SCRG1: variants seen among roughly 807,000 people sequenced by gnomAD.
SCRG1 encodes scrapie-responsive protein 1.
In SCRG1, 3 loss-of-function variants were observed where a neutral mutation model predicts 7.7. That is an observed-to-expected ratio of 0.39 (90% CI 0.18 to 1.01). The LOEUF (loss-of-function observed/expected upper bound fraction) is 1.01. Among genes scored for constraint, SCRG1 ranks in the 50% least tolerant of loss-of-function variants. The pLI, the probability that SCRG1 is intolerant of heterozygous loss-of-function variation, is 0.36. For synonymous variants in SCRG1, 46 were observed against 41.2 expected (o/e 1.12, Z -0.44); for missense variants, 110 against 117.2 (o/e 0.94, Z 0.28).
the SCRG1 span, among the ~76,000 whole-genome samples, chr4:173,435,515 A>C: frequency 1.3e-3 from 203 of 152,318 alleles, 1 homozygote; most frequent in African/African-American, 4.6e-3. Flanking sequence ...TGATTTTCCC[A>C]GGCTGTTACC....
the SCRG1 span, among the ~76,000 whole-genome samples, chr4:173,423,943 T>C: frequency 6.6e-6 from 1 of 152,126 alleles, no homozygotes; most frequent in Non-Finnish European, 1.5e-5. Flanking sequence ...AGAGAAAGAA[T>C]AGAAAATAAC....
the SCRG1 span, among the ~76,000 whole-genome samples, chr4:173,467,079 C>T: frequency 6.6e-6 from 1 of 152,076 alleles, no homozygotes; most frequent in African/African-American, 2.4e-5. Flanking sequence ...AAGCAGAGGG[C>T]TGGAAATTTT....
the SCRG1 span, among the ~76,000 whole-genome samples, chr4:173,436,416 T>C: frequency 2.0e-5 from 3 of 152,204 alleles, no homozygotes; most frequent in Non-Finnish European, 2.9e-5. Flanking sequence ...CAGAGCAGCC[T>C]CTGCTTCTCA....
chr4:173,416,920 ACAC>A, the SCRG1 span, among the ~76,000 whole-genome samples: 1 of 32,702 alleles, frequency 3.1e-5, no homozygotes, highest in Non-Finnish European at 7.8e-5. Context: ...AAACACACAC[ACAC>A]ACACACACAC....
At chr4:173,444,093 C>A in the SCRG1 span, among the ~76,000 whole-genome samples, 1 of 152,068 alleles carries the variant, frequency 6.6e-6, no homozygotes, top group East Asian at 1.9e-4. Flanking sequence ...ACTGTCTCAG[C>A]CTCTGAAGTA....
chr4:173,484,376 A>G, the SCRG1 span, among the ~76,000 whole-genome samples: 1 of 35,766 alleles, frequency 2.8e-5, no homozygotes, highest in East Asian at 9.3e-4. Context: ...TATATTATAT[A>G]TTATGTATAT....
At chr4:173,456,711 T>G in the SCRG1 span, among the ~76,000 whole-genome samples, 1 of 152,032 alleles carries the variant, frequency 6.6e-6, no homozygotes, top group East Asian at 1.9e-4. Flanking sequence ...ACTGAGAATA[T>G]GTACAAAAAT....
intron 2 of SCRG1, among the ~76,000 whole-genome samples, chr4:173,390,877 T>A (rs1739416568): frequency 1.3e-5 from 2 of 152,174 alleles, no homozygotes; most frequent in African/African-American, 4.8e-5. Context: ...TACTGGTAGA[T>A]TTTTATTTTT....
chr4:173,393,127 A>T (rs117122798), intron 1 of SCRG1, among the ~76,000 whole-genome samples: 1 of 152,012 alleles, frequency 6.6e-6, no homozygotes, highest in East Asian at 1.9e-4. Context: ...TGTGCAATGG[A>T]CATTTTTGGT....
upstream of SCRG1, among the ~76,000 whole-genome samples, chr4:173,407,204 T>A (rs563710808): frequency 8.9e-4 from 98 of 110,416 alleles, no homozygotes; most frequent in African/African-American, 3.2e-3. Context: ...GCGAGATCCA[T>A]CTCAAAAAAA....
chr4:173,430,917 A>G, the SCRG1 span, among the ~76,000 whole-genome samples: 1 of 152,038 alleles, frequency 6.6e-6, no homozygotes, highest in African/African-American at 2.4e-5. Context: ...CCTCATTTAG[A>G]AAGAGACTAG....
At chr4:173,497,006 T>C in the SCRG1 span, among the ~76,000 whole-genome samples, 1 of 152,140 alleles carries the variant, frequency 6.6e-6, no homozygotes, top group Admixed American at 6.5e-5. Flanking sequence ...CTTGGGAGGC[T>C]GAGGCAGGAG....
At chr4:173,484,441 GATATATAATATATATTATATACATATA>G in the SCRG1 span, among the ~76,000 whole-genome samples, 6 of 29,336 alleles carry the variant, frequency 2.0e-4, no homozygotes, top group African/African-American at 6.3e-4. Flanking sequence ...ATATACATAT[GATATATAATATATATTATATACATATA>G]ATATATAATA....
the SCRG1 span, among the ~76,000 whole-genome samples, chr4:173,423,874 C>T: frequency 0.024 from 3,656 of 152,188 alleles, 166 homozygotes; most frequent in African/African-American, 0.083. Flanking sequence ...TGATGAGGGC[C>T]TCCTTGTTGT....
chr4:173,482,982 T>C, the SCRG1 span, among the ~76,000 whole-genome samples: 2 of 132,584 alleles, frequency 1.5e-5, no homozygotes, highest in Non-Finnish European at 3.1e-5. Flanking sequence ...TAATATATAA[T>C]ATATTATATA....
the SCRG1 span, among the ~76,000 whole-genome samples, chr4:173,480,197 T>C: frequency 6.6e-6 from 1 of 152,114 alleles, no homozygotes; most frequent in African/African-American, 2.4e-5. Context: ...ATGTGTAACC[T>C]GAATCAAGTC....
At chr4:173,420,611 C>T in the SCRG1 span, among the ~76,000 whole-genome samples, 66 of 150,996 alleles carry the variant, frequency 4.4e-4, no homozygotes, top group Middle Eastern at 3.4e-3. Context: ...AACAATTTGG[C>T]GGTAGTGATT....
At chr4:173,476,279 G>A in the SCRG1 span, among the ~76,000 whole-genome samples, 936 of 149,014 alleles carry the variant, frequency 6.3e-3, 8 homozygotes, top group Middle Eastern at 0.076. Flanking sequence ...CTGCTCTTGG[G>A]GAATGGGCAG....
chr4:173,419,831 A>G, the SCRG1 span: 2 of 1,408,622 alleles, frequency 1.4e-6, no homozygotes, highest in Non-Finnish European at 2.0e-6. Context: ...GATCTTGTCC[A>G]TGCCTAACCT....
Sources: allele counts gnomAD v4.1 joint callset (sites outside exome capture counted in the v4.1 genomes callset), GRCh38; gene constraint gnomAD v4.1.1; transcripts MANE v1.5; gene names NCBI Gene and HGNC (gene_info 2026-07-23, HGNC 2026-07-21).